CAMK2G: variants seen among roughly 807,000 people sequenced by gnomAD.
CAMK2G encodes calcium/calmodulin dependent protein kinase II gamma.
In CAMK2G, 23 loss-of-function variants were observed where a neutral mutation model predicts 88.7. That is an observed-to-expected ratio of 0.26 (90% CI 0.19 to 0.37). The LOEUF is 0.37. Among genes scored for constraint, CAMK2G ranks in the 10% least tolerant of loss-of-function variants. CAMK2G has a pLI of 1.00. For synonymous variants in CAMK2G, 263 were observed against 294.8 expected (o/e 0.89, Z 1.11); for missense variants, 476 against 780.8 (o/e 0.61, Z 4.65).
At chr10:73,827,876 T>C (rs1300393137) in intron 15 of CAMK2G, among the ~76,000 whole-genome samples, 1 of 152,122 alleles carries the variant, frequency 6.6e-6, no homozygotes, top group African/African-American at 2.4e-5. Flanking sequence ...CAGCAGGGGG[T>C]GCCGTACCAC....
At chr10:73,829,200 T>C (rs1464610869) in intron 14 of CAMK2G, among the ~76,000 whole-genome samples, 1 of 152,204 alleles carries the variant, frequency 6.6e-6, no homozygotes, top group South Asian at 2.1e-4. Flanking sequence ...CAATGGTCCA[T>C]AATTTAGAAT....
At chr10:73,841,881 G>A (rs996258091) in intron 12 of CAMK2G, 2 of 421,482 alleles carry the variant, frequency 4.7e-6, no homozygotes, top group African/African-American at 4.0e-5. Context: ...AGTGCTGAGA[G>A]TCTTCAGAGA....
At position 73,819,660 on chromosome 10, in the gene CAMK2G, C is replaced by CAGGGT; in HGVS notation, c.1250-16_1250-15insACCCT. On this transcript the variant is annotated splice_polypyrimidine_tract_variant and intron_variant, in intron 18 of 22. Coordinates refer to ENST00000423381, the MANE Select transcript of CAMK2G (RefSeq NM_001367534.1). ...GAGCGGGGCAGCTAGCCAGCCAGGG[C>CAGGGT]AGGGCAGGGCAGGGCAAGGCAGAGC... The CAGGGT allele has an allele frequency of 6.8e-7, 1 of 1,462,080 alleles. No individual in the cohort carries two copies. Among genetic ancestry groups the CAGGGT allele is most frequent in the Non-Finnish European group, 9.2e-7 (1 of 1,081,640 alleles). 90.6% of individuals were successfully genotyped at this position (1,462,080 alleles called of 1,614,324 possible). A position where few individuals can be genotyped will look rare whatever the true frequency, so the allele number is the denominator to read the frequency against.
intron 2 of CAMK2G, among the ~76,000 whole-genome samples, chr10:73,867,161 T>C (rs75197865): frequency 6.6e-6 from 1 of 152,214 alleles, no homozygotes; most frequent in East Asian, 1.9e-4. Context: ...TCTTCAACCC[T>C]CACTCAAGCA....
intron 9 of CAMK2G, 79 bp from the exon 10 acceptor site, chr10:73,847,426 ACT>A: frequency 6.8e-7 from 1 of 1,474,582 alleles, no homozygotes; most frequent in Non-Finnish European, 9.4e-7. Context: ...CTTCAACTCA[ACT>A]CCTGTAATTG....
At chr10:73,873,139 C>G (rs1042802325) in intron 1 of CAMK2G, 56 bp from the exon 2 acceptor site, 7 of 1,255,676 alleles carry the variant, frequency 5.6e-6, no homozygotes, top group Non-Finnish European at 8.2e-6. Flanking sequence ...GTGACACAGA[C>G]ACACTTCAAG....
In CAMK2G at chr10:73,874,499, C is replaced by G. The variant is rs750761017; in HGVS notation, c.-38G>C. On this transcript the variant is annotated 5_prime_UTR_variant, in exon 1 of 23. Coordinates refer to ENST00000423381, the MANE Select transcript of CAMK2G (RefSeq NM_001367534.1). Reference sequence around the variant, plus strand: ...GCGGACGCGGCGGTGCAGCCCGCGCCGACGTCGGTGCACAGTCACCGCCGC... The same window carrying G: ...GCGGACGCGGCGGTGCAGCCCGCGCGGACGTCGGTGCACAGTCACCGCCGC... 3 of 1,431,600 alleles carry G rather than the reference C, an allele frequency of 2.1e-6. No individual in the cohort carries two copies. The highest frequency in any genetic ancestry group is 1.4e-5 in the South Asian group (1 of 71,448). The allele number at this position is 1,431,600 out of a possible 1,614,324, so 88.7% of individuals were successfully genotyped here.
intron 18 of CAMK2G, among the ~76,000 whole-genome samples, chr10:73,820,237 G>A (rs1171424740): frequency 1.3e-5 from 2 of 151,826 alleles, no homozygotes; most frequent in Admixed American, 6.6e-5. Flanking sequence ...CCCAATCAAA[G>A]AGCAGGACAG....
At chr10:73,852,347 G>A (rs551269374) in intron 4 of CAMK2G, 28 bp from the exon 5 acceptor site, 8 of 1,599,522 alleles carry the variant, frequency 5.0e-6, no homozygotes, top group Non-Finnish European at 5.1e-6. Flanking sequence ...AAGAGGGTCA[G>A]AGGCAGAAAG....
At chr10:73,860,702 G>T in intron 3 of CAMK2G, 128 bp downstream of exon 3, 1 of 735,760 alleles carries the variant, frequency 1.4e-6, no homozygotes, top group Non-Finnish European at 2.4e-6. Context: ...TTGCTATCCT[G>T]CTCATGTAAA....
intron 3 of CAMK2G, among the ~76,000 whole-genome samples, chr10:73,858,450 G>A (rs1039086789): frequency 1.3e-5 from 2 of 152,172 alleles, no homozygotes; most frequent in Non-Finnish European, 1.5e-5. Flanking sequence ...AACCACAGCC[G>A]CCTGGACCTG....
chr10:73,820,894 G>T (rs539696575), intron 18 of CAMK2G, among the ~76,000 whole-genome samples: 11 of 152,026 alleles, frequency 7.2e-5, no homozygotes, highest in Middle Eastern at 3.4e-3. Context: ...GGCTGGTCTT[G>T]AACTTCTGAC....
chr10:73,830,384 G>C (rs1479710941), intron 14 of CAMK2G, among the ~76,000 whole-genome samples: 1 of 152,010 alleles, frequency 6.6e-6, no homozygotes, highest in South Asian at 2.1e-4. Context: ...GGATCTTCCT[G>C]CCTCAGCCAC....
rs146147200 is a variant in CAMK2G at position 73,863,502 on chromosome 10, G to C, written c.161-2613C>G. ...AGGTACCAAGCCAGCCAGCCCCAAAGCTACAGACCCACGGCCCTCTCTCTG... is the reference window on the plus strand; with the variant it reads ...AGGTACCAAGCCAGCCAGCCCCAAACCTACAGACCCACGGCCCTCTCTCTG... On this transcript the variant is annotated intron_variant, in intron 2 of 22. Transcript: ENST00000423381. 5.7e-3 allele frequency among the ~76,000 whole-genome samples: 863 copies of C among 152,304 alleles called. 11 individuals are homozygous for C. Among genetic ancestry groups the C allele is most frequent in the African/African-American group, 0.02 (829 of 41,562 alleles).
In CAMK2G at chr10:73,839,671, C is replaced by T. The variant is rs2134282257; in HGVS notation, c.947-70G>A. On this transcript the variant is annotated intron_variant, in intron 12 of 22. Transcript: ENST00000423381. The surrounding 1 kb of genome is among the most constrained non-coding windows in gnomAD (Gnocchi z 4.2). ...CGGGGCCGTCAGCAGCGAGCATGCC[C>T]CAGCGCGAGGCGCAGCCCAGGCGGC... The T allele has an allele frequency of 1.0e-6, 1 of 993,486 alleles. No homozygotes were observed. Among genetic ancestry groups the T allele is most frequent in the East Asian group, 3.3e-5 (1 of 30,418 alleles). 61.5% of individuals were successfully genotyped at this position (993,486 alleles called of 1,614,324 possible).
In CAMK2G at chr10:73,842,091, C is replaced by A; in HGVS notation, c.946+78G>T. ...GGCCCAGGACGCCGAGGAAACCCAG[C>A]GGTGCCCGGGATGGCAACAGCCCAT... On this transcript the variant is annotated intron_variant, in intron 12 of 22. Coordinates refer to ENST00000423381, the MANE Select transcript of CAMK2G (RefSeq NM_001367534.1). This position sits in a 1 kb window ranked among gnomAD's most constrained non-coding sequence, Gnocchi z 4.6. 14 of 1,166,172 alleles carry A rather than the reference C, an allele frequency of 1.2e-5. No individual in the cohort carries two copies. Among genetic ancestry groups the A allele is most frequent in the Non-Finnish European group, 1.7e-5 (13 of 771,684 alleles). 72.2% of individuals were successfully genotyped at this position (1,166,172 alleles called of 1,614,324 possible).
chr10:73,824,122 G>A lies in CAMK2G; in HGVS notation c.1156-38C>T, dbSNP rs755353810. Reference sequence around the variant, plus strand: ...ATGAAGATTACCCTTCCGACTTGGGGACAGACTATGGCTCTTCCCTGAGGA... The same window carrying A: ...ATGAAGATTACCCTTCCGACTTGGGAACAGACTATGGCTCTTCCCTGAGGA... On this transcript the variant is annotated intron_variant, in intron 16 of 22. Transcript: ENST00000423381. 3 of 1,552,102 alleles carry A rather than the reference G, an allele frequency of 1.9e-6. No individual in the cohort carries two copies. In the East Asian group the frequency reaches 6.7e-5, roughly 35 times the overall value.
intron 17 of CAMK2G, among the ~76,000 whole-genome samples, chr10:73,822,334 A>AT: frequency 6.6e-6 from 1 of 152,024 alleles, no homozygotes; most frequent in African/African-American, 2.4e-5. Context: ...TGCCTGGCTA[A>AT]TTTTTGTATT....
chr10:73,861,082 G>A (rs1226824449), intron 2 of CAMK2G, among the ~76,000 whole-genome samples, 193 bp from the exon 3 acceptor site: 1 of 152,204 alleles, frequency 6.6e-6, no homozygotes, highest in African/African-American at 2.4e-5. Flanking sequence ...TGTCCCTCAG[G>A]CAGGAGTGCA....
Sources: allele counts gnomAD v4.1 joint callset (sites outside exome capture counted in the v4.1 genomes callset), GRCh38; gene constraint gnomAD v4.1.1; non-coding constraint Gnocchi (gnomAD v3.1); transcripts MANE v1.5; gene names NCBI Gene and HGNC (gene_info 2026-07-23, HGNC 2026-07-21).